The following SEMA3C variants were observed in gnomAD, a reference collection of about 807,000 sequenced individuals.
SEMA3C encodes semaphorin-3C.
A neutral mutation model predicts 89.4 loss-of-function variants in SEMA3C; 47 were observed. The ratio of observed to expected loss-of-function variants is 0.53; its 90% CI spans 0.42 to 0.67. The LOEUF (loss-of-function observed/expected upper bound fraction) is 0.67, where lower values mean the gene tolerates loss of function less well. SEMA3C is among the 30% of genes least tolerant of loss of function. The pLI is 0.00. For synonymous variants in SEMA3C, 310 were observed against 320.2 expected, an observed-to-expected ratio of 0.97 and a Z score of 0.34; for missense variants, 839 against 929.1, an observed-to-expected ratio of 0.90 and a Z score of 1.26.
intron 6 of SEMA3C, 34 bp from the exon 7 acceptor site, chr7:80,805,792 T>A: frequency 6.6e-7 from 1 of 1,526,366 alleles, no homozygotes; most frequent in Non-Finnish European, 9.0e-7. Context: ...AAATGTAAAT[T>A]TTTAAAGCTA....
At chr7:80,750,005 G>C (rs1787888244) in intron 16 of SEMA3C, among the ~76,000 whole-genome samples, 1 of 152,042 alleles carries the variant, frequency 6.6e-6, no homozygotes, top group African/African-American at 2.4e-5. Context: ...CCCTCAACTA[G>C]ATGTATGGAA....
intron 2 of SEMA3C, among the ~76,000 whole-genome samples, chr7:80,849,638 A>G (rs1330056053): frequency 6.6e-6 from 1 of 152,194 alleles, no homozygotes; most frequent in Non-Finnish European, 1.5e-5. Flanking sequence ...ATAAATTGGC[A>G]TATTGTTTCT....
At chr7:80,825,869 T>C (rs1337128719) in intron 4 of SEMA3C, among the ~76,000 whole-genome samples, 4 of 152,174 alleles carry the variant, frequency 2.6e-5, no homozygotes. Context: ...CTCTGCAACA[T>C]TATACTTCAT....
At chr7:80,844,394 C>T (rs1790341314) in intron 2 of SEMA3C, among the ~76,000 whole-genome samples, 2 of 152,224 alleles carry the variant, frequency 1.3e-5, no homozygotes, top group African/African-American at 4.8e-5. Context: ...CATTTATCCT[C>T]ATTACAGTCC....
At chr7:80,856,399 C>A (rs886187789) in intron 2 of SEMA3C, among the ~76,000 whole-genome samples, 1 of 151,582 alleles carries the variant, frequency 6.6e-6, no homozygotes, top group Non-Finnish European at 1.5e-5. Flanking sequence ...TGTGAACTAA[C>A]GAAATGATAA....
At chr7:80,876,575 T>C (rs919387086) in intron 2 of SEMA3C, among the ~76,000 whole-genome samples, 1 of 152,246 alleles carries the variant, frequency 6.6e-6, no homozygotes, top group African/African-American at 2.4e-5. Context: ...AAACAAGTTG[T>C]AGTAAAACAT....
At chr7:80,919,369 T>C (rs796195324), upstream of SEMA3C, 1 of 985,334 alleles carries the variant, frequency 1.0e-6, no homozygotes, top group Non-Finnish European at 1.2e-6. Flanking sequence ...AGTGAGCAAC[T>C]TGCTGGGTGC....
rs546625919 is a variant in SEMA3C, at chr7:80,800,694, T to A, written c.986+63A>T. ...GTTGCAGAGAAGAATGCTTTTATAA[T>A]AATTACTGTTACTCCATGAAGTTTA... On this transcript the variant is annotated intron_variant, in intron 10 of 17. Transcript: ENST00000265361. The A allele has an allele frequency of 4.1e-6, 4 of 983,096 alleles. No homozygotes were observed. The East Asian group carries it at 8.1e-5, about 20-fold the overall frequency. The allele number at this position is 983,096 out of a possible 1,614,324, so 60.9% of individuals were successfully genotyped here. A position where few individuals can be genotyped will look rare whatever the true frequency, so the allele number is the denominator to read the frequency against.
At chr7:80,919,559 GT>G (rs3834744), upstream of SEMA3C, among the ~76,000 whole-genome samples, 45 of 145,772 alleles carry the variant, frequency 3.1e-4, no homozygotes, top group African/African-American at 1.0e-3. Flanking sequence ...ATTCTGCTGC[GT>G]TTTTTTTTTG....
At chr7:80,850,583 T>C (rs1413454347) in intron 2 of SEMA3C, among the ~76,000 whole-genome samples, 6 of 152,070 alleles carry the variant, frequency 3.9e-5, no homozygotes, top group Non-Finnish European at 1.5e-5. Flanking sequence ...ATAGAAGTAA[T>C]CCTGGTGGTT....
At chr7:80,745,355 C>A in intron 17 of SEMA3C, 48 bp from the exon 18 acceptor site, 1 of 1,545,058 alleles carries the variant, frequency 6.5e-7, no homozygotes. Flanking sequence ...ATTATATTTC[C>A]TTAGATTATG....
At chr7:80,862,292 A>C (rs1358885562) in intron 2 of SEMA3C, among the ~76,000 whole-genome samples, 3 of 152,162 alleles carry the variant, frequency 2.0e-5, no homozygotes, top group Non-Finnish European at 4.4e-5. Context: ...TTGTGTACCA[A>C]CAGCGACCAT....
intron 11 of SEMA3C, among the ~76,000 whole-genome samples, chr7:80,792,983 GATAAC>G (rs919123685): frequency 2.8e-4 from 42 of 152,294 alleles, no homozygotes; most frequent in African/African-American, 9.9e-4. Context: ...GAAACTTCAA[GATAAC>G]ATAACATCTA....
chr7:80,845,696 T>C (rs1790372952), intron 2 of SEMA3C, among the ~76,000 whole-genome samples: 1 of 152,180 alleles, frequency 6.6e-6, no homozygotes, highest in Non-Finnish European at 1.5e-5. Flanking sequence ...TACTTGCTCT[T>C]CCTGTCTTTA....
chr7:80,919,174 C>A, upstream of SEMA3C: 1 of 984,818 alleles, frequency 1.0e-6, no homozygotes, highest in East Asian at 1.1e-4. Flanking sequence ...CGCGCAGCCC[C>A]GGCCGCATCT....
At chr7:80,865,781 G>A (rs549897790) in intron 2 of SEMA3C, among the ~76,000 whole-genome samples, 166 of 152,134 alleles carry the variant, frequency 1.1e-3, no homozygotes, top group Non-Finnish European at 2.0e-3. Context: ...ACAAAAGGGC[G>A]AGACTCCATC....
intron 2 of SEMA3C, among the ~76,000 whole-genome samples, chr7:80,907,148 T>C (rs563021888): frequency 7.9e-5 from 12 of 152,150 alleles, no homozygotes; most frequent in African/African-American, 2.4e-4. Flanking sequence ...TAATGGAAAA[T>C]GGAATTGATG....
chr7:80,760,516 T>A (rs893941258), intron 14 of SEMA3C, among the ~76,000 whole-genome samples: 2 of 152,192 alleles, frequency 1.3e-5, no homozygotes, highest in African/African-American at 4.8e-5. Flanking sequence ...ACAGATGAGA[T>A]CGTTAGCTCC....
intron 11 of SEMA3C, among the ~76,000 whole-genome samples, chr7:80,797,829 C>G (rs895795166): frequency 6.6e-6 from 1 of 152,092 alleles, no homozygotes; most frequent in African/African-American, 2.4e-5. Flanking sequence ...GAAACCCTGT[C>G]TCTACTAAAA....
Sources: gnomAD v4.1 joint callset for allele counts (sites outside exome capture counted in the v4.1 genomes callset) on GRCh38, gnomAD v4.1.1 for gene constraint, MANE v1.5 for transcripts, NCBI Gene and HGNC (gene_info 2026-07-23, HGNC 2026-07-21) for gene names.